PLLP: variants seen among roughly 807,000 people sequenced by gnomAD.
PLLP encodes plasmolipin.
A neutral mutation model predicts 19.7 loss-of-function variants in PLLP; 15 were observed. That is an observed-to-expected ratio of 0.76 (90% CI 0.51 to 1.17). The LOEUF (loss-of-function observed/expected upper bound fraction) is 1.17. Ranked by LOEUF, PLLP falls within the 50% of genes most tolerant of loss-of-function variation. PLLP has a pLI of 0.00. For synonymous variants in PLLP, 111 were observed against 116.3 expected (o/e 0.95, Z 0.29); for missense variants, 255 against 258.3 (o/e 0.99, Z 0.09).
chr16:57,274,158 A>G (rs919586346), intron 1 of PLLP, among the ~76,000 whole-genome samples: 12 of 151,892 alleles, frequency 7.9e-5, no homozygotes, highest in South Asian at 2.1e-4. Context: ...TAATTTTTAA[A>G]TTTGTATAGA....
intron 1 of PLLP, among the ~76,000 whole-genome samples, chr16:57,278,807 G>A (rs141754960): frequency 2.1e-4 from 32 of 152,228 alleles, no homozygotes; most frequent in African/African-American, 7.2e-4. Flanking sequence ...CACCTCACTC[G>A]GACTCCAACA....
At chr16:57,260,406 G>A (rs2075438500) in intron 2 of PLLP, among the ~76,000 whole-genome samples, 2 of 152,064 alleles carry the variant, frequency 1.3e-5, no homozygotes, top group Admixed American at 6.6e-5. Context: ...TGAGGGAGGG[G>A]GTGGACCCTG....
At position 57,276,532 on chromosome 16, in the gene PLLP, C is replaced by T. The variant is rs548246920; in HGVS notation, c.135+7874G>A. Among the ~76,000 whole-genome samples, 13 of 144,472 alleles carry T rather than the reference C, an allele frequency of 9.0e-5. No homozygotes were observed. In the South Asian group the frequency reaches 2.6e-3, roughly 29 times the overall value. The allele number at this position is 144,472 out of a possible 152,430, so 94.8% of individuals were successfully genotyped here. A position where few individuals can be genotyped will look rare whatever the true frequency, so the allele number is the denominator to read the frequency against. On this transcript the variant is annotated intron_variant, in intron 1 of 3. Coordinates refer to ENST00000219207, the MANE Select transcript of PLLP (RefSeq NM_015993.3). ...GCTTGAACCCAGGAGGCAGAGGTTG[C>T]AGTGAGTCAAGATCATGCCACTACA...
rs1484139272 is a variant in PLLP, at chr16:57,284,385, TG to T, written c.135+20del. ...GACCGGGAGCCCCCGGCCAACCCCG[TG>T]GGCCCGCGCGTGCTCTCACCAGCTG... On this transcript the variant is annotated intron_variant, in intron 1 of 3. Transcript: ENST00000219207. The T allele has an allele frequency of 7.3e-7, 1 of 1,363,882 alleles. No homozygotes were observed. The allele number at this position is 1,363,882 out of a possible 1,614,324, so 84.5% of individuals were successfully genotyped here. A position where few individuals can be genotyped will look rare whatever the true frequency, so the allele number is the denominator to read the frequency against.
At chr16:57,258,641 GC>G in intron 2 of PLLP, 57 bp from the exon 3 acceptor site, 1 of 1,568,694 alleles carries the variant, frequency 6.4e-7, no homozygotes, top group Non-Finnish European at 8.7e-7. Context: ...ACAAAGAGAG[GC>G]CAGACACGGT....
In PLLP at chr16:57,279,705, C is replaced by T. The variant is rs117744999; in HGVS notation, c.135+4701G>A. ...AAAAAAAAAAAAAGTAGGGGTCTTA[C>T]TCTGTCACCCAGGCTAGAGTGCAGT... On this transcript the variant is annotated intron_variant, in intron 1 of 3. Transcript: ENST00000219207. Among the ~76,000 whole-genome samples, 1,128 of 150,998 alleles carry T rather than the reference C, an allele frequency of 7.5e-3. 8 individuals carry two copies. Among genetic ancestry groups the T allele is most frequent in the Non-Finnish European group, 0.011 (764 of 67,802 alleles).
At chr16:57,260,619 A>G (rs549281977) in intron 2 of PLLP, among the ~76,000 whole-genome samples, 5 of 152,212 alleles carry the variant, frequency 3.3e-5, no homozygotes, top group East Asian at 1.9e-4. Context: ...TTGTCTTACA[A>G]TCATGTGCCT....
chr16:57,275,392 T>C (rs1372667792), intron 1 of PLLP, among the ~76,000 whole-genome samples: 1 of 152,026 alleles, frequency 6.6e-6, no homozygotes, highest in Non-Finnish European at 1.5e-5. Flanking sequence ...ATATATAAGC[T>C]AATTTTAAAA....
chr16:57,273,530 A>G (rs1901105933), intron 1 of PLLP, among the ~76,000 whole-genome samples: 1 of 152,192 alleles, frequency 6.6e-6, no homozygotes, highest in Non-Finnish European at 1.5e-5. Context: ...CCAGCCCAAC[A>G]GCAAAGGGCC....
intron 2 of PLLP, among the ~76,000 whole-genome samples, chr16:57,260,846 G>C (rs748404082): frequency 6.6e-6 from 1 of 152,210 alleles, no homozygotes; most frequent in South Asian, 2.1e-4. Context: ...CCAGGTGCCC[G>C]AGCTTGTCCT....
At chr16:57,263,654 C>T (rs2075448516) in intron 1 of PLLP, among the ~76,000 whole-genome samples, 2 of 152,148 alleles carry the variant, frequency 1.3e-5, no homozygotes, top group South Asian at 4.1e-4. Context: ...GAGGCAGGGC[C>T]CAGGGAGCTC....
At chr16:57,283,429 T>G (rs1901243077) in intron 1 of PLLP, among the ~76,000 whole-genome samples, 1 of 152,138 alleles carries the variant, frequency 6.6e-6, no homozygotes, top group Non-Finnish European at 1.5e-5. Flanking sequence ...GCAGCAGCGC[T>G]AGCACCCAGC....
At chr16:57,277,304 T>C (rs577424143) in intron 1 of PLLP, among the ~76,000 whole-genome samples, 1 of 152,304 alleles carries the variant, frequency 6.6e-6, no homozygotes, top group African/African-American at 2.4e-5. Flanking sequence ...TTAAAGAAAT[T>C]AGGGGCCGGG....
chr16:57,261,287 G>T (rs1202121035), intron 2 of PLLP, among the ~76,000 whole-genome samples: 1 of 152,170 alleles, frequency 6.6e-6, no homozygotes, highest in East Asian at 1.9e-4. Flanking sequence ...TTACAGGCGT[G>T]AGCCACCACA....
chr16:57,258,576 G>A lies in PLLP; in HGVS notation c.318C>T (p.Ile106=). The change falls in exon 3 of 4, where the codon ATC becomes ATT. Residue 106 remains isoleucine, a synonymous_variant. Coordinates refer to ENST00000219207, the MANE Select transcript of PLLP (RefSeq NM_015993.3). ...AGAGAACGGTGGCGCTGATGTTAAA[G>A]ATCATTAACTGCAGGACATGGGGGT... ...YMVPWPLVLM[I]FNISATVLYI... is the part of the protein sequence containing the mutation. 1 of 1,612,730 alleles carries A rather than the reference G, an allele frequency of 6.2e-7. No homozygotes were observed. Among genetic ancestry groups the A allele is most frequent in the South Asian group, 1.1e-5 (1 of 91,034 alleles).
chr16:57,282,045 G>A (rs1054001798), intron 1 of PLLP, among the ~76,000 whole-genome samples: 1 of 152,178 alleles, frequency 6.6e-6, no homozygotes, highest in South Asian at 2.1e-4. Context: ...CAGATGCGCA[G>A]GGCTGGATTG....
At chr16:57,271,090 G>C (rs913121912) in intron 1 of PLLP, among the ~76,000 whole-genome samples, 1 of 152,148 alleles carries the variant, frequency 6.6e-6, no homozygotes, top group Non-Finnish European at 1.5e-5. Context: ...GCTCAGACCT[G>C]GTCCTCCTCC....
rs1179624350 is a variant in PLLP at position 57,262,559 on chromosome 16, CAAAAATAATAAT to C, written c.136-501_136-490del. ...AAAAGTGAAAATCCGTCTCAAAAAG[CAAAAATAATAAT>C]AATAATAATAATAGTTAGCCAGGTA... On this transcript the variant is annotated intron_variant, in intron 1 of 3. Transcript: ENST00000219207. 6.0e-5 allele frequency among the ~76,000 whole-genome samples: 9 copies of C among 149,226 alleles called. No individual in the cohort carries two copies. In the East Asian group the frequency reaches 1.4e-3, roughly 24 times the overall value.
intron 1 of PLLP, among the ~76,000 whole-genome samples, chr16:57,281,391 C>T (rs899762848): frequency 2.6e-5 from 4 of 152,200 alleles, no homozygotes; most frequent in African/African-American, 9.6e-5. Context: ...CCATGGCTTC[C>T]CAGCAGATGG....
Sources: gnomAD v4.1 joint callset for allele counts (sites outside exome capture counted in the v4.1 genomes callset) on GRCh38, gnomAD v4.1.1 for gene constraint, MANE v1.5 for transcripts, NCBI Gene and HGNC (gene_info 2026-07-23, HGNC 2026-07-21) for gene names.